The following ZMYM4 variants were observed in gnomAD, a reference collection of about 807,000 sequenced individuals.
ZMYM4 encodes zinc finger MYM-type protein 4.
In ZMYM4, 31 loss-of-function variants were observed where a neutral mutation model predicts 183.2. The observed-to-expected ratio is 0.17, with a 90% CI of 0.13 to 0.23. The LOEUF (loss-of-function observed/expected upper bound fraction) is 0.23. ZMYM4 is among the 10% of genes least tolerant of loss of function. The pLI is 1.00. For missense variants in ZMYM4, 1,273 were observed against 1,840.3 expected (o/e 0.69, Z 5.64); for synonymous variants, 592 against 631.2 (o/e 0.94, Z 0.93).
Position 35,408,117 on chromosome 1 carries a change from T to C in ZMYM4, c.3906T>C (p.Tyr1302=). Residue 1302 remains tyrosine (Y), a synonymous_variant, in exon 26 of 30, where the codon TAT becomes TAC. Coordinates refer to ENST00000314607, the MANE Select transcript of ZMYM4 (RefSeq NM_005095.3). The part of the protein sequence containing the change: ...QEVRRPNGEK[Y]DPDSILYLCL... ...TGCGGAGACCAAATGGTGAAAAATATGATCCAGACAGTATCTTATACTTGT... is the reference window on the plus strand; with the variant it reads ...TGCGGAGACCAAATGGTGAAAAATACGATCCAGACAGTATCTTATACTTGT... 1 of 1,614,228 alleles carries C rather than the reference T, an allele frequency of 6.2e-7. No homozygotes were observed.
At chr1:35,408,936 A>G (rs769223131) in intron 26 of ZMYM4, among the ~76,000 whole-genome samples, 1 of 152,118 alleles carries the variant, frequency 6.6e-6, no homozygotes, top group Non-Finnish European at 1.5e-5. Flanking sequence ...GTCACTCCCC[A>G]TTACTCCCTC....
At chr1:35,392,538 C>T in intron 16 of ZMYM4, 109 bp from the exon 17 acceptor site, 3 of 1,298,900 alleles carry the variant, frequency 2.3e-6, no homozygotes, top group Non-Finnish European at 3.2e-6. Context: ...ATTAAAAAAA[C>T]ACATGTTCTT....
At chr1:35,317,462 G>A (rs143027542) in intron 1 of ZMYM4, among the ~76,000 whole-genome samples, 128 of 152,064 alleles carry the variant, frequency 8.4e-4, no homozygotes, top group African/African-American at 2.9e-3. Flanking sequence ...TAGATAGATA[G>A]ATAGATAGCT....
At chr1:35,385,973 G>A (rs898019867) in intron 10 of ZMYM4, 101 bp from the exon 11 acceptor site, 1 of 730,838 alleles carries the variant, frequency 1.4e-6, no homozygotes, top group African/African-American at 1.9e-5. Flanking sequence ...AACTTACCCT[G>A]GCTCTTAAAT....
chr1:35,295,747 C>T (rs982982493), intron 1 of ZMYM4, among the ~76,000 whole-genome samples: 1 of 152,184 alleles, frequency 6.6e-6, no homozygotes, highest in African/African-American at 2.4e-5. Flanking sequence ...CAGAGTCCTT[C>T]CTCAAGAGGA....
intron 2 of ZMYM4, among the ~76,000 whole-genome samples, chr1:35,326,955 G>A (rs948501035): frequency 6.6e-6 from 1 of 152,164 alleles, no homozygotes; most frequent in Non-Finnish European, 1.5e-5. Context: ...TGCCTCACAG[G>A]TTCAAGTGAT....
intron 2 of ZMYM4, among the ~76,000 whole-genome samples, chr1:35,347,485 G>A (rs997534990): frequency 6.6e-6 from 1 of 152,052 alleles, no homozygotes; most frequent in Non-Finnish European, 1.5e-5. Flanking sequence ...CAGTTATAAA[G>A]CCCTTAATAA....
intron 2 of ZMYM4, among the ~76,000 whole-genome samples, chr1:35,326,872 T>G (rs952143128): frequency 6.6e-6 from 1 of 152,200 alleles, no homozygotes; most frequent in Non-Finnish European, 1.5e-5. Context: ...TTTTCTCTCT[T>G]TTTTTGAGAT....
intron 1 of ZMYM4, among the ~76,000 whole-genome samples, chr1:35,285,388 T>A (rs1023251060): frequency 6.6e-6 from 1 of 152,188 alleles, no homozygotes; most frequent in Non-Finnish European, 1.5e-5. Flanking sequence ...TGTACAAGTC[T>A]TGTGCTTCCT....
intron 1 of ZMYM4, among the ~76,000 whole-genome samples, chr1:35,313,390 C>CTTTTTTTT (rs36112055): frequency 7.6e-5 from 10 of 131,568 alleles, no homozygotes; most frequent in Non-Finnish European, 1.4e-4. Context: ...TTTTCTTTTT[C>CTTTTTTTT]TTTTTTTTTT....
At chr1:35,297,333 T>C (rs1279633073) in intron 1 of ZMYM4, among the ~76,000 whole-genome samples, 1 of 152,074 alleles carries the variant, frequency 6.6e-6, no homozygotes, top group Non-Finnish European at 1.5e-5. Context: ...TTAAGATTAT[T>C]AATACAAAAA....
At chr1:35,378,115 C>T (rs1644373803) in intron 7 of ZMYM4, among the ~76,000 whole-genome samples, 1 of 152,204 alleles carries the variant, frequency 6.6e-6, no homozygotes, top group South Asian at 2.1e-4. Flanking sequence ...CAAGTTTTAT[C>T]ATGAGATTGC....
chr1:35,419,316 A>G (rs148493394), intron 29 of ZMYM4, among the ~76,000 whole-genome samples, 154 bp from the exon 30 acceptor site: 1 of 152,302 alleles, frequency 6.6e-6, no homozygotes, highest in Non-Finnish European at 1.5e-5. Flanking sequence ...TGAGAGCCAT[A>G]TTAGGTTGGT....
intron 7 of ZMYM4, among the ~76,000 whole-genome samples, chr1:35,375,595 A>G (rs1395727876): frequency 6.6e-6 from 1 of 152,252 alleles, no homozygotes; most frequent in Non-Finnish European, 1.5e-5. Context: ...GTTGTATACC[A>G]GTAGAAATAT....
rs186639789 is a variant in ZMYM4, at chr1:35,410,497, T to A, written c.3948+2338T>A. On this transcript the variant is annotated intron_variant, in intron 26 of 29. Coordinates refer to ENST00000314607, the MANE Select transcript of ZMYM4 (RefSeq NM_005095.3). The stretch of plus-strand genomic sequence containing the variant: ...TTATCTGTTTATTAATTAATTTATT[T>A]ATTTATTTTGAGATGGAGTCTCGCT... Among the ~76,000 whole-genome samples the A allele has an allele frequency of 8.6e-5, 13 of 151,916 alleles. 2 individuals carry two copies. The highest frequency in any genetic ancestry group is 2.7e-4 in the African/African-American group (11 of 41,500).
chr1:35,323,787 C>T (rs1161964632), intron 1 of ZMYM4, among the ~76,000 whole-genome samples: 1 of 151,858 alleles, frequency 6.6e-6, no homozygotes, highest in Non-Finnish European at 1.5e-5. Flanking sequence ...ATTTCCTGAC[C>T]TCATGATCCA....
intron 2 of ZMYM4, chr1:35,351,103 A>C: frequency 1.1e-6 from 1 of 887,766 alleles, no homozygotes; most frequent in Non-Finnish European, 1.9e-6. Flanking sequence ...ACTGGTGGTA[A>C]ATACAATGTG....
chr1:35,361,469 C>G, intron 4 of ZMYM4, 150 bp from the exon 5 acceptor site: 1 of 1,000,932 alleles, frequency 1.0e-6, no homozygotes, highest in Non-Finnish European at 1.4e-6. Flanking sequence ...ACATATAACA[C>G]AATTACTTTT....
At chr1:35,342,078 A>G (rs1643219187) in intron 2 of ZMYM4, among the ~76,000 whole-genome samples, 1 of 152,172 alleles carries the variant, frequency 6.6e-6, no homozygotes, top group Non-Finnish European at 1.5e-5. Flanking sequence ...ACTTTCTTTA[A>G]TAGATACAGC....
Sources: allele counts gnomAD v4.1 joint callset (sites outside exome capture counted in the v4.1 genomes callset), GRCh38; gene constraint gnomAD v4.1.1; transcripts MANE v1.5; gene names NCBI Gene and HGNC (gene_info 2026-07-23, HGNC 2026-07-21).